The following ZDHHC7 variants were observed in gnomAD, a reference collection of about 807,000 sequenced individuals.
The protein encoded by ZDHHC7 is zDHHC palmitoyltransferase 7, also known as palmitoyltransferase ZDHHC7.
ZDHHC7 carries 12 observed loss-of-function variants against 34.1 expected under a neutral mutation model. The ratio of observed to expected loss-of-function variants is 0.35; its 90% CI spans 0.23 to 0.57. The LOEUF is 0.57. ZDHHC7 is among the 20% of genes least tolerant of loss of function. The pLI, the probability that ZDHHC7 is intolerant of heterozygous loss-of-function variation, is 0.84. For missense variants in ZDHHC7, 388 were observed against 402.7 expected (o/e 0.96, Z 0.31); for synonymous variants, 185 against 155.4 (o/e 1.19, Z -1.42).
At chr16:84,988,247 T>A (rs2072462932) in intron 3 of ZDHHC7, among the ~76,000 whole-genome samples, 1 of 149,878 alleles carries the variant, frequency 6.7e-6, no homozygotes, top group South Asian at 2.2e-4. Flanking sequence ...GGGCGTCGGG[T>A]GGTGGGGTCG....
intron 7 of ZDHHC7, among the ~76,000 whole-genome samples, chr16:84,976,852 C>T (rs1326068132): frequency 6.6e-6 from 1 of 152,234 alleles, no homozygotes; most frequent in Non-Finnish European, 1.5e-5. Flanking sequence ...CTGAAATTTA[C>T]TGACTGCACT....
intron 7 of ZDHHC7, 70 bp from the exon 8 acceptor site, chr16:84,976,589 TCACACCGTGCTCAAG>T: frequency 6.4e-7 from 1 of 1,565,252 alleles, no homozygotes; most frequent in Non-Finnish European, 8.6e-7. Flanking sequence ...AGCCTCAGAA[TCACACCGTGCTCAAG>T]CACAGTGTGG....
At chr16:84,976,640 C>T (rs984143635) in intron 7 of ZDHHC7, 121 bp from the exon 8 acceptor site, 7 of 1,345,274 alleles carry the variant, frequency 5.2e-6, no homozygotes, top group Non-Finnish European at 6.1e-6. Context: ...GGTGAGTGAA[C>T]TCTCCTTCCC....
chr16:84,983,802 C>T (rs2072401594), intron 3 of ZDHHC7, among the ~76,000 whole-genome samples: 1 of 151,640 alleles, frequency 6.6e-6, no homozygotes, highest in Non-Finnish European at 1.5e-5. Flanking sequence ...GAGTTCAAGA[C>T]CAGCCTGGCA....
the ZDHHC7 span, among the ~76,000 whole-genome samples, chr16:85,026,689 C>A: frequency 6.6e-6 from 1 of 151,552 alleles, no homozygotes; most frequent in Non-Finnish European, 1.5e-5. Flanking sequence ...CTTGTTTCTC[C>A]TGCATAACTC....
chr16:85,019,667 G>A, the ZDHHC7 span, among the ~76,000 whole-genome samples: 3 of 152,242 alleles, frequency 2.0e-5, no homozygotes, highest in East Asian at 3.9e-4. Context: ...ACAGTGAGCC[G>A]AGATTGTGCC....
At chr16:85,011,638 C>G (rs2072795492), upstream of ZDHHC7, 1 of 152,226 alleles carries the variant, frequency 6.6e-6, no homozygotes, top group Non-Finnish European at 1.5e-5. Context: ...GAGGCTCTTA[C>G]AAACTGGCAG....
At chr16:84,997,016 A>C (rs1004777305) in intron 1 of ZDHHC7, among the ~76,000 whole-genome samples, 2 of 140,302 alleles carry the variant, frequency 1.4e-5, no homozygotes, top group African/African-American at 5.9e-5. Flanking sequence ...ACAGAGCAAG[A>C]CTCTGTCTCA....
chr16:85,012,861 C>T (rs1356861824), upstream of ZDHHC7, among the ~76,000 whole-genome samples: 1 of 152,058 alleles, frequency 6.6e-6, no homozygotes, highest in Non-Finnish European at 1.5e-5. Context: ...GGGCCGAGAT[C>T]GCGCCATTGC....
At chr16:84,981,474 G>GT (rs2072366927) in intron 4 of ZDHHC7, among the ~76,000 whole-genome samples, 1 of 152,250 alleles carries the variant, frequency 6.6e-6, no homozygotes, top group African/African-American at 2.4e-5. Context: ...CAGAGCAGGA[G>GT]TGAGGGGAAG....
chr16:85,015,372 A>AT (rs2072829885), upstream of ZDHHC7, among the ~76,000 whole-genome samples: 1 of 152,084 alleles, frequency 6.6e-6, no homozygotes, highest in Non-Finnish European at 1.5e-5. Context: ...AAGTGCTGGG[A>AT]TTACAGATGT....
chr16:84,986,760 C>A (rs930038924), intron 3 of ZDHHC7, among the ~76,000 whole-genome samples: 3 of 152,238 alleles, frequency 2.0e-5, no homozygotes, highest in Admixed American at 2.0e-4. Context: ...CCAGCGAGGA[C>A]TGCCCAGTCC....
chr16:84,979,104 TTAG>T, intron 5 of ZDHHC7, 82 bp downstream of exon 5: 1 of 1,336,676 alleles, frequency 7.5e-7, no homozygotes. Context: ...TGGCCTGACG[TTAG>T]TAGATTTCTC....
intron 1 of ZDHHC7, among the ~76,000 whole-genome samples, chr16:85,005,461 G>A (rs56071445): frequency 0.039 from 5,911 of 152,210 alleles, 317 homozygotes; most frequent in African/African-American, 0.12. Flanking sequence ...TAAAAGCCAG[G>A]CGTATCACGA....
chr16:85,001,705 C>T (rs1370396605), intron 1 of ZDHHC7, among the ~76,000 whole-genome samples: 2 of 152,144 alleles, frequency 1.3e-5, no homozygotes, highest in African/African-American at 4.8e-5. Context: ...AACACACCAA[C>T]AGCCACCAGC....
chr16:85,008,101 G>A (rs1406802062), intron 1 of ZDHHC7, among the ~76,000 whole-genome samples: 2 of 152,016 alleles, frequency 1.3e-5, no homozygotes, highest in African/African-American at 4.8e-5. Context: ...GGGCAAAAGA[G>A]CAAGACCCTC....
At chr16:85,021,934 A>C in the ZDHHC7 span, among the ~76,000 whole-genome samples, 3 of 151,612 alleles carry the variant, frequency 2.0e-5, no homozygotes, top group Non-Finnish European at 2.9e-5. Flanking sequence ...AGGCGGTTGG[A>C]TCACGAGGTC....
At chr16:84,995,569 A>G (rs1033493731) in intron 2 of ZDHHC7, among the ~76,000 whole-genome samples, 14 of 152,180 alleles carry the variant, frequency 9.2e-5, no homozygotes, top group Admixed American at 5.9e-4. Context: ...GAGGTCGCAG[A>G]GAGCCAAGAT....
chr16:85,018,936 T>C, the ZDHHC7 span, among the ~76,000 whole-genome samples: 111 of 152,230 alleles, frequency 7.3e-4, no homozygotes, highest in African/African-American at 2.6e-3. Context: ...CAACCTGTGG[T>C]AGATGTTTAA....
Sources: allele counts gnomAD v4.1 joint callset (sites outside exome capture counted in the v4.1 genomes callset), GRCh38; gene constraint gnomAD v4.1.1; transcripts MANE v1.5; gene names NCBI Gene and HGNC (gene_info 2026-07-23, HGNC 2026-07-21).